The following LHFPL3 variants were observed in gnomAD, a reference collection of about 807,000 sequenced individuals.
LHFPL3 encodes LHFPL tetraspan subfamily member 3, also known as LHFPL tetraspan subfamily member 3 protein.
Under a neutral mutation model 19.3 loss-of-function variants are expected in LHFPL3, and 5 were observed. The observed-to-expected ratio is 0.26, with a 90% CI of 0.14 to 0.54. The LOEUF (loss-of-function observed/expected upper bound fraction) is 0.54. Ranked by LOEUF, LHFPL3 falls within the 20% of genes least tolerant of loss-of-function variation. The probability of loss-of-function intolerance (pLI) is 0.94; values close to 1 mark genes in which losing one functional copy is unlikely to be tolerated. For synonymous variants in LHFPL3, 133 were observed against 126.2 expected (o/e 1.05, Z -0.36); for missense variants, 249 against 307.4 (o/e 0.81, Z 1.42).
Position 104,429,558 on chromosome 7 carries a change from C to T in LHFPL3, c.445+100334C>T, listed in dbSNP as rs559421361. 3.2e-4 allele frequency among the ~76,000 whole-genome samples: 48 copies of T among 151,796 alleles called. 1 individual carries two copies. The highest frequency in any genetic ancestry group is 5.2e-4 in the Admixed American group (8 of 15,244). The stretch of plus-strand genomic sequence containing the variant: ...CTCAAACTGCTGACATCAGATGATC[C>T]GCCTGCCTCAGCCTCCCAAAATGCT... On this transcript the variant is annotated intron_variant, in intron 1 of 2. Transcript: ENST00000424859.
chr7:104,900,603 C>T (rs1295086845), intron 2 of LHFPL3, among the ~76,000 whole-genome samples: 1 of 152,184 alleles, frequency 6.6e-6, no homozygotes, highest in East Asian at 1.9e-4. Context: ...AGTCAGCTCT[C>T]CTGACTGTGG....
At chr7:104,402,106 AAAC>A (rs1791325819) in intron 1 of LHFPL3, among the ~76,000 whole-genome samples, 1 of 151,998 alleles carries the variant, frequency 6.6e-6, no homozygotes, top group Non-Finnish European at 1.5e-5. Context: ...AAAAAACAAA[AAAC>A]AACAAAAACA....
intron 1 of LHFPL3, among the ~76,000 whole-genome samples, chr7:104,722,257 G>A (rs4584085): frequency 0.17 from 25,376 of 152,124 alleles, 2,765 homozygotes; most frequent in East Asian, 0.55. Flanking sequence ...ACCGCACAAT[G>A]TGTGGATGTA....
chr7:104,521,595 A>G (rs998840927), intron 1 of LHFPL3, among the ~76,000 whole-genome samples: 6 of 152,120 alleles, frequency 3.9e-5, no homozygotes, highest in African/African-American at 1.4e-4. Flanking sequence ...ATCAGAGTGA[A>G]CAGGCAACCT....
chr7:104,860,174 CCACCCACACACACACA>C (rs1318185910), intron 2 of LHFPL3, among the ~76,000 whole-genome samples: 1 of 80,958 alleles, frequency 1.2e-5, no homozygotes, highest in African/African-American at 4.2e-5. Context: ...ACACATACAC[CCACCCACACACACACA>C]CACACACACA....
At chr7:104,384,928 T>G (rs1302329880) in intron 1 of LHFPL3, among the ~76,000 whole-genome samples, 13 of 152,156 alleles carry the variant, frequency 8.5e-5, no homozygotes, top group Admixed American at 8.5e-4. Flanking sequence ...AGGAAGTTTT[T>G]GGCATTAGAA....
intron 1 of LHFPL3, among the ~76,000 whole-genome samples, chr7:104,430,420 A>AT (rs1562895215): frequency 4.2e-4 from 5 of 11,808 alleles, no homozygotes; most frequent in Non-Finnish European, 7.4e-4. Context: ...ATATATATAC[A>AT]TATATATATA....
At chr7:104,739,744 G>C (rs1316311662) in intron 2 of LHFPL3, among the ~76,000 whole-genome samples, 1 of 152,156 alleles carries the variant, frequency 6.6e-6, no homozygotes, top group Non-Finnish European at 1.5e-5. Flanking sequence ...AATTTTAGAA[G>C]AATTTATTCA....
chr7:104,489,574 C>T (rs1793301036), intron 1 of LHFPL3, among the ~76,000 whole-genome samples: 1 of 151,176 alleles, frequency 6.6e-6, no homozygotes, highest in Non-Finnish European at 1.5e-5. Flanking sequence ...TACTGGCTAC[C>T]AGAAAGGGAA....
chr7:104,390,607 A>G (rs955905820), intron 1 of LHFPL3, among the ~76,000 whole-genome samples: 1 of 152,190 alleles, frequency 6.6e-6, no homozygotes, highest in African/African-American at 2.4e-5. Flanking sequence ...GGTTGGTTCC[A>G]AGTCTTTGCT....
intron 1 of LHFPL3, among the ~76,000 whole-genome samples, chr7:104,356,269 T>C (rs1221677678): frequency 2.0e-5 from 3 of 152,178 alleles, no homozygotes; most frequent in Non-Finnish European, 4.4e-5. Context: ...TCCTTTCTTG[T>C]TTCCTGTACT....
chr7:104,431,101 GT>G (rs1244014425), intron 1 of LHFPL3, among the ~76,000 whole-genome samples: 1 of 152,028 alleles, frequency 6.6e-6, no homozygotes, highest in African/African-American at 2.4e-5. Context: ...CCTACTTATT[GT>G]TTTTTCTCTC....
intron 1 of LHFPL3, among the ~76,000 whole-genome samples, chr7:104,586,747 A>G (rs1335110907): frequency 4.6e-5 from 7 of 152,188 alleles, no homozygotes; most frequent in African/African-American, 1.7e-4. Context: ...CTTTTTAAAA[A>G]TTATTGACTC....
intron 1 of LHFPL3, among the ~76,000 whole-genome samples, chr7:104,482,491 A>G (rs1793156447): frequency 6.6e-6 from 1 of 152,214 alleles, no homozygotes; most frequent in African/African-American, 2.4e-5. Flanking sequence ...CCAGTGGTGT[A>G]GTTAGCAAGG....
At chr7:104,694,319 TA>T (rs1245133118) in intron 1 of LHFPL3, among the ~76,000 whole-genome samples, 1 of 152,124 alleles carries the variant, frequency 6.6e-6, no homozygotes, top group Non-Finnish European at 1.5e-5. Flanking sequence ...GAAAAATATC[TA>T]AAAATGCTTT....
chr7:104,726,076 A>AAAAAAT, intron 1 of LHFPL3, among the ~76,000 whole-genome samples: 2 of 150,874 alleles, frequency 1.3e-5, no homozygotes, highest in Admixed American at 6.6e-5. Context: ...AAAAAAAAAA[A>AAAAAAT]TTCTCCCAAG....
rs371253245 is a variant in LHFPL3 at position 104,446,501 on chromosome 7, A to C, written c.445+117277A>C. ...TTCTGTATCAATAAACTCTCTGAGC[A>C]GGAAGATTCTTCATCAAAACTATTT... On this transcript the variant is annotated intron_variant, in intron 1 of 2. Coordinates refer to ENST00000424859, the MANE Select transcript of LHFPL3 (RefSeq NM_199000.3). Among the ~76,000 whole-genome samples the C allele has an allele frequency of 9.8e-5, 15 of 152,296 alleles. No individual in the cohort carries two copies. The East Asian group carries it at 2.3e-3, about 24-fold the overall frequency.
At chr7:104,470,076 G>A in intron 1 of LHFPL3, 1 of 455,958 alleles carries the variant, frequency 2.2e-6, no homozygotes, top group Non-Finnish European at 4.4e-6. Context: ...TGGAAAGAAT[G>A]GTAGTGAGAG....
intron 1 of LHFPL3, among the ~76,000 whole-genome samples, chr7:104,372,385 G>C (rs1790632899): frequency 6.6e-6 from 1 of 152,194 alleles, no homozygotes; most frequent in Admixed American, 6.5e-5. Context: ...CTAAATATTA[G>C]TATGGTTCTT....
Sources: gnomAD v4.1 joint callset for allele counts (sites outside exome capture counted in the v4.1 genomes callset) on GRCh38, gnomAD v4.1.1 for gene constraint, MANE v1.5 for transcripts, NCBI Gene and HGNC (gene_info 2026-07-23, HGNC 2026-07-21) for gene names.